Variants in SUGCT observed in about 807,000 individuals in gnomAD.
SUGCT encodes the protein succinyl-CoA:glutarate CoA-transferase.
A neutral mutation model predicts 55.0 loss-of-function variants in SUGCT; 41 were observed. The ratio of observed to expected loss-of-function variants is 0.74; its 90% CI spans 0.58 to 0.97. SUGCT has a LOEUF of 0.97. Among genes scored for constraint, SUGCT ranks in the 50% least tolerant of loss-of-function variants. SUGCT has a pLI of 0.00. For missense variants in SUGCT, 568 were observed against 547.8 expected, an observed-to-expected ratio of 1.04 and a Z score of -0.37; for synonymous variants, 187 against 200.4, an observed-to-expected ratio of 0.93 and a Z score of 0.56.
intron 8 of SUGCT, among the ~76,000 whole-genome samples, chr7:40,290,963 C>T (rs1490317318): frequency 6.6e-6 from 1 of 152,160 alleles, no homozygotes; most frequent in African/African-American, 2.4e-5. Flanking sequence ...GAGATACCAC[C>T]TCCCACCAGT....
At chr7:40,719,750 G>T (rs891763663) in intron 12 of SUGCT, among the ~76,000 whole-genome samples, 2 of 152,112 alleles carry the variant, frequency 1.3e-5, no homozygotes, top group African/African-American at 2.4e-5. Flanking sequence ...AGACAGGAGT[G>T]CGGAGAGCTT....
At chr7:40,248,890 A>ACACG (rs1554296243) in intron 7 of SUGCT, among the ~76,000 whole-genome samples, 1 of 116,360 alleles carries the variant, frequency 8.6e-6, no homozygotes, top group Non-Finnish European at 1.9e-5. Flanking sequence ...GCGCGCTCGC[A>ACACG]CACACACACA....
intron 1 of SUGCT, among the ~76,000 whole-genome samples, chr7:40,163,816 T>C (rs1305565343): frequency 3.3e-5 from 5 of 151,936 alleles, no homozygotes; most frequent in Admixed American, 3.3e-4. Context: ...CTTAATTTTT[T>C]GAATTGAATT....
chr7:40,381,398 G>T (rs1471148049), intron 9 of SUGCT, among the ~76,000 whole-genome samples: 1 of 151,924 alleles, frequency 6.6e-6, no homozygotes, highest in African/African-American at 2.4e-5. Flanking sequence ...ACAGTACGTT[G>T]TTCTTTTGTT....
At chr7:40,808,804 G>C (rs886831) in intron 13 of SUGCT, among the ~76,000 whole-genome samples, 47,764 of 152,016 alleles carry the variant, frequency 0.31, 7,915 homozygotes, top group South Asian at 0.44. Flanking sequence ...GGCCATTCCA[G>C]AGTTAGGCAG....
At chr7:40,634,232 G>C (rs142886324) in intron 12 of SUGCT, among the ~76,000 whole-genome samples, 126 of 152,314 alleles carry the variant, frequency 8.3e-4, no homozygotes, top group Non-Finnish European at 1.5e-3. Context: ...AACACATGGC[G>C]AGCTGGCGCT....
At chr7:40,629,255 G>C (rs1333078245) in intron 12 of SUGCT, among the ~76,000 whole-genome samples, 2 of 152,158 alleles carry the variant, frequency 1.3e-5, no homozygotes. Context: ...CCTGTGTGCT[G>C]CTCTTCAAGG....
chr7:40,321,724 C>T (rs1265323218), intron 9 of SUGCT, among the ~76,000 whole-genome samples: 1 of 152,160 alleles, frequency 6.6e-6, no homozygotes, highest in East Asian at 1.9e-4. Flanking sequence ...AGATCATGGC[C>T]TCCAATTCCA....
chr7:40,426,347 C>G (rs1372909530), intron 9 of SUGCT, among the ~76,000 whole-genome samples: 2 of 152,154 alleles, frequency 1.3e-5, no homozygotes, highest in African/African-American at 4.8e-5. Context: ...GGATATATCT[C>G]AGACTTACCA....
chr7:40,862,228 G>A (rs1019858888), downstream of SUGCT, among the ~76,000 whole-genome samples: 1 of 151,854 alleles, frequency 6.6e-6, no homozygotes, highest in Non-Finnish European at 1.5e-5. Flanking sequence ...TCAAATCCAT[G>A]TACAGCTCAG....
At chr7:40,516,718 TTG>T (rs1480445120) in intron 12 of SUGCT, among the ~76,000 whole-genome samples, 2 of 152,188 alleles carry the variant, frequency 1.3e-5, no homozygotes, top group African/African-American at 4.8e-5. Flanking sequence ...CCACTCTGTC[TTG>T]ATTACTGTAG....
At chr7:40,188,434 CAA>C (rs35948652) in intron 3 of SUGCT, 59 bp from the exon 4 acceptor site, 17,380 of 586,780 alleles carry the variant, frequency 0.03, no homozygotes, top group East Asian at 0.051. Flanking sequence ...ACTCCATCTC[CAA>C]AAAAAAAAAA....
chr7:40,635,689 G>A (rs527764874), intron 12 of SUGCT, among the ~76,000 whole-genome samples: 43 of 152,246 alleles, frequency 2.8e-4, no homozygotes, highest in African/African-American at 9.4e-4. Context: ...CTCTTCTTCT[G>A]CCACTGAGAT....
intron 13 of SUGCT, among the ~76,000 whole-genome samples, chr7:40,829,260 G>A (rs1792528397): frequency 6.6e-6 from 1 of 152,118 alleles, no homozygotes; most frequent in South Asian, 2.1e-4. Context: ...CAATCCATAA[G>A]GACTGCTGCT....
At chr7:40,239,663 T>C (rs756328) in intron 7 of SUGCT, among the ~76,000 whole-genome samples, 92,951 of 152,050 alleles carry the variant, frequency 0.61, 29,112 homozygotes, top group African/African-American at 0.77. Context: ...ACAGGGATAA[T>C]CACACAGTAT....
the SUGCT span, among the ~76,000 whole-genome samples, chr7:40,903,125 G>T: frequency 0.014 from 2,044 of 151,214 alleles, 47 homozygotes; most frequent in African/African-American, 0.047. Context: ...TCCGCCTCCC[G>T]GGTTCAAGTG....
intron 12 of SUGCT, among the ~76,000 whole-genome samples, chr7:40,509,344 A>C (rs924739242): frequency 6.6e-6 from 1 of 151,982 alleles, no homozygotes; most frequent in Non-Finnish European, 1.5e-5. Context: ...CCGCAGCCAC[A>C]CTGTCTTTGG....
the SUGCT span, among the ~76,000 whole-genome samples, chr7:40,984,683 T>C: frequency 6.6e-6 from 1 of 152,252 alleles, no homozygotes; most frequent in Admixed American, 6.5e-5. Flanking sequence ...TTCCGACGGC[T>C]ACCATTTTAC....
chr7:40,800,614 G>A (rs1393138472), intron 13 of SUGCT, among the ~76,000 whole-genome samples: 1 of 151,966 alleles, frequency 6.6e-6, no homozygotes, highest in Non-Finnish European at 1.5e-5. Context: ...TAAGGTCTTT[G>A]TTATTCATTC....
Sources: allele counts gnomAD v4.1 joint callset (sites outside exome capture counted in the v4.1 genomes callset), GRCh38; gene constraint gnomAD v4.1.1; transcripts MANE v1.5; gene names NCBI Gene and HGNC (gene_info 2026-07-23, HGNC 2026-07-21).